The following TRPM8 variants were observed in gnomAD, a reference collection of about 807,000 sequenced individuals.
TRPM8 encodes transient receptor potential cation channel subfamily M member 8, also known as TRPM8 cationic channel.
Under a neutral mutation model 133.7 loss-of-function variants are expected in TRPM8, and 110 were observed. That is an observed-to-expected ratio of 0.82 (90% CI 0.70 to 0.96). TRPM8 has a LOEUF of 0.96. Among genes scored for constraint, TRPM8 ranks in the 40% least tolerant of loss-of-function variants. The pLI, the probability that TRPM8 is intolerant of heterozygous loss-of-function variation, is 0.00. For missense variants in TRPM8, 1,291 were observed against 1,379.5 expected, an observed-to-expected ratio of 0.94 and a Z score of 1.02; for synonymous variants, 535 against 532.3, an observed-to-expected ratio of 1.01 and a Z score of -0.07.
At chr2:233,944,907 TC>T (rs1691004985) in intron 6 of TRPM8, among the ~76,000 whole-genome samples, 1 of 152,074 alleles carries the variant, frequency 6.6e-6, no homozygotes, top group Non-Finnish European at 1.5e-5. Context: ...GTACTACTAT[TC>T]CCCCCTCATT....
intron 21 of TRPM8, among the ~76,000 whole-genome samples, chr2:233,994,813 T>A (rs1692364723): frequency 6.6e-6 from 1 of 152,228 alleles, no homozygotes; most frequent in Admixed American, 6.5e-5. Context: ...AGAATTTGGA[T>A]AATTTAATGC....
rs199707448 is a variant in TRPM8 at position 233,964,620 on chromosome 2, C to A, written c.1750-8C>A. The A allele has an allele frequency of 3.2e-6, 5 of 1,540,646 alleles. No individual in the cohort carries two copies. Among genetic ancestry groups the A allele is most frequent in the Non-Finnish European group, 4.4e-6 (5 of 1,143,368 alleles). Reference sequence around the variant, plus strand: ...ATTAACCTTAAAATTCTTCACCCCCCTAAAAAGACCAGGGGCTGCACTCTG... The same window carrying A: ...ATTAACCTTAAAATTCTTCACCCCCATAAAAAGACCAGGGGCTGCACTCTG... On this transcript the variant is annotated splice_region_variant and splice_polypyrimidine_tract_variant and intron_variant, in intron 13 of 25. Coordinates refer to ENST00000324695, the MANE Select transcript of TRPM8 (RefSeq NM_024080.5).
At chr2:233,944,406 A>T (rs966044071) in intron 6 of TRPM8, among the ~76,000 whole-genome samples, 4 of 152,246 alleles carry the variant, frequency 2.6e-5, no homozygotes, top group Admixed American at 2.6e-4. Flanking sequence ...AGACTCACAA[A>T]AAACCTTGAA....
At chr2:234,011,728 C>T (rs537096316) in intron 24 of TRPM8, among the ~76,000 whole-genome samples, 1 of 152,070 alleles carries the variant, frequency 6.6e-6, no homozygotes, top group Admixed American at 6.6e-5. Flanking sequence ...ACCATCCTGG[C>T]TAACACAGGG....
At position 233,955,115 on chromosome 2, in the gene TRPM8, T is replaced by C. The variant is rs1217757510; in HGVS notation, c.1244-17T>C. Reference sequence around the variant, plus strand: ...CTGAGCCTTTGGTGAGTTGAGTCTTTTCCTGCCCTCTCACAGCCTTCAGCA... The same window carrying C: ...CTGAGCCTTTGGTGAGTTGAGTCTTCTCCTGCCCTCTCACAGCCTTCAGCA... On this transcript the variant is annotated splice_polypyrimidine_tract_variant and intron_variant, in intron 10 of 25. Transcript: ENST00000324695. 1.3e-6 allele frequency: 2 copies of C among 1,598,648 alleles called. No homozygotes were observed. Among genetic ancestry groups the C allele is most frequent in the Admixed American group, 1.7e-5 (1 of 59,944 alleles).
chr2:233,966,859 A>G (rs1691590478), intron 15 of TRPM8, 104 bp downstream of exon 15: 4 of 1,364,260 alleles, frequency 2.9e-6, no homozygotes, highest in Admixed American at 3.1e-5. Context: ...TTATTCTCCA[A>G]TATAAAAGCC....
rs757422823 is a variant in TRPM8, at chr2:233,942,761, C to T, written c.699+13C>T. Reference sequence around the variant, plus strand: ...TTGCGATGCTGAGGTACCGGTGGGACAGGAGGAGGTCTGCTAGGTCACATG... The same window carrying T: ...TTGCGATGCTGAGGTACCGGTGGGATAGGAGGAGGTCTGCTAGGTCACATG... On this transcript the variant is annotated intron_variant, in intron 6 of 25. Transcript: ENST00000324695. 6.2e-7 allele frequency: 1 copy of T among 1,613,620 alleles called. No homozygotes were observed.
intron 11 of TRPM8, among the ~76,000 whole-genome samples, chr2:233,956,412 C>T (rs765366893): frequency 3.3e-5 from 5 of 152,266 alleles, no homozygotes; most frequent in East Asian, 1.9e-4. Context: ...AGTATCCTCC[C>T]GTGTACAACT....
At position 233,930,516 on chromosome 2, in the gene TRPM8, C is replaced by G. The variant is rs977175075; in HGVS notation, c.118-152C>G. ...GCATCTTTAAAAAAAATTTTGTATACTCTAAAGGCATGAACAAATGCTGGA... is the reference window on the plus strand; with the variant it reads ...GCATCTTTAAAAAAAATTTTGTATAGTCTAAAGGCATGAACAAATGCTGGA... On this transcript the variant is annotated intron_variant, in intron 2 of 25. Coordinates refer to ENST00000324695, the MANE Select transcript of TRPM8 (RefSeq NM_024080.5). 1.3e-5 allele frequency: 7 copies of G among 526,936 alleles called. No individual in the cohort carries two copies. In the African/African-American group the frequency reaches 1.4e-4, roughly 10 times the overall value. 32.6% of individuals were successfully genotyped at this position (526,936 alleles called of 1,614,324 possible).
intron 7 of TRPM8, among the ~76,000 whole-genome samples, chr2:233,946,862 A>G (rs1023967793): frequency 6.6e-6 from 1 of 152,244 alleles, no homozygotes; most frequent in Non-Finnish European, 1.5e-5. Flanking sequence ...ATGTATTTTA[A>G]ATATCAATGA....
chr2:234,003,022 A>G (rs1014402486), intron 22 of TRPM8, among the ~76,000 whole-genome samples: 1 of 152,250 alleles, frequency 6.6e-6, no homozygotes, highest in Non-Finnish European at 1.5e-5. Flanking sequence ...TAACCTAGAC[A>G]TGGTAATTGG....
intron 22 of TRPM8, among the ~76,000 whole-genome samples, chr2:234,005,927 TACAC>T (rs35379195): frequency 0.057 from 7,727 of 136,008 alleles, 240 homozygotes; most frequent in Middle Eastern, 0.14. Flanking sequence ...AAACGTCATC[TACAC>T]ACACACACAC....
At chr2:233,969,975 C>T in intron 16 of TRPM8, 168 bp downstream of exon 16, 1 of 671,904 alleles carries the variant, frequency 1.5e-6, no homozygotes, top group Non-Finnish European at 2.6e-6. Flanking sequence ...CCTGGGTTTC[C>T]TCTTAAATGG....
intron 10 of TRPM8, chr2:233,954,920 C>A (rs1026569974): frequency 4.1e-6 from 2 of 483,304 alleles, no homozygotes; most frequent in Non-Finnish European, 3.7e-6. Context: ...ATTACTGTAG[C>A]CTGAGTTGAT....
chr2:233,954,706 T>C (rs1691249694), intron 10 of TRPM8, among the ~76,000 whole-genome samples: 1 of 152,254 alleles, frequency 6.6e-6, no homozygotes. Flanking sequence ...AATGGAATTA[T>C]ATCTGCACAG....
chr2:234,013,965 C>A (rs1692899672), intron 24 of TRPM8, among the ~76,000 whole-genome samples: 1 of 152,058 alleles, frequency 6.6e-6, no homozygotes, highest in South Asian at 2.1e-4. Context: ...CCAAACTGTA[C>A]AGAAATTGCT....
At chr2:233,985,914 C>T in intron 21 of TRPM8, 49 bp downstream of exon 21, 1 of 1,544,746 alleles carries the variant, frequency 6.5e-7, no homozygotes, top group Non-Finnish European at 8.8e-7. Context: ...GGCCAAGCCC[C>T]ATGCCAGGCT....
rs1559522261 is a variant in TRPM8, at chr2:233,942,597, G to A, written c.548G>A (p.Gly183Asp). The A allele has an allele frequency of 1.2e-6, 2 of 1,614,202 alleles. No individual in the cohort carries two copies. The stretch of plus-strand genomic sequence containing the variant: ...ACAGGTGCTTGGATTCTCACGGGAG[G>A]CACCCATTATGGCCTGATGAAGTAC... ...QSKGAWILTG[G>D]THYGLMKYIG... The change falls in exon 6 of 26, where the codon GGC becomes GAC. Residue 183 changes from glycine (G) to aspartate (D), a missense_variant. Physicochemically the swap from Gly to Asp is moderately conservative, Grantham distance 94. Transcript: ENST00000324695.
At chr2:234,006,070 A>G (rs1446810885) in intron 22 of TRPM8, among the ~76,000 whole-genome samples, 6 of 152,170 alleles carry the variant, frequency 3.9e-5, no homozygotes, top group Non-Finnish European at 8.8e-5. Flanking sequence ...CTAAACTCTA[A>G]CATGTTGATG....
Sources: gnomAD v4.1 joint callset for allele counts (sites outside exome capture counted in the v4.1 genomes callset) on GRCh38, gnomAD v4.1.1 for gene constraint, MANE v1.5 for transcripts, NCBI Gene and HGNC (gene_info 2026-07-23, HGNC 2026-07-21) for gene names.